The following SYNE2 variants were observed in gnomAD, a reference collection of about 807,000 sequenced individuals.
SYNE2 encodes nesprin-2.
Under a neutral mutation model 856.3 loss-of-function variants are expected in SYNE2, and 431 were observed. That is an observed-to-expected ratio of 0.50 (90% CI 0.47 to 0.55). SYNE2 has a LOEUF of 0.55. SYNE2 is among the 20% of genes least tolerant of loss of function. SYNE2 has a pLI of 0.00. For synonymous variants in SYNE2, 2,923 were observed against 2,872.3 expected, an observed-to-expected ratio of 1.02 and a Z score of -0.56; for missense variants, 8,129 against 8,023.2, an observed-to-expected ratio of 1.01 and a Z score of -0.50.
At chr14:64,217,580 CAG>C (rs975160275) in intron 108 of SYNE2, among the ~76,000 whole-genome samples, 11 of 152,176 alleles carry the variant, frequency 7.2e-5, no homozygotes, top group African/African-American at 1.9e-4. Context: ...AATAATAAGA[CAG>C]GGGAAAGACC....
intron 82 of SYNE2, among the ~76,000 whole-genome samples, chr14:64,142,545 CT>C (rs1230963584): frequency 6.6e-6 from 1 of 152,170 alleles, no homozygotes; most frequent in Non-Finnish European, 1.5e-5. Flanking sequence ...AAATCCACCC[CT>C]GACTCTCCCA....
At chr14:64,143,275 A>G (rs2098154725) in intron 82 of SYNE2, among the ~76,000 whole-genome samples, 1 of 152,160 alleles carries the variant, frequency 6.6e-6, no homozygotes, top group South Asian at 2.1e-4. Flanking sequence ...ACTTAAAGCC[A>G]CCCAAACTTT....
At chr14:63,902,407 C>CAAAAA (rs10533353) in intron 1 of SYNE2, among the ~76,000 whole-genome samples, 97 of 74,270 alleles carry the variant, frequency 1.3e-3, no homozygotes, top group African/African-American at 1.8e-3. Flanking sequence ...CGAGACTCCT[C>CAAAAA]AAAAAAAAAA....
chr14:64,021,246 G>T, intron 35 of SYNE2, 69 bp from the exon 36 acceptor site: 1 of 1,194,338 alleles, frequency 8.4e-7, no homozygotes, highest in Admixed American at 1.7e-5. Flanking sequence ...CCATTCTCTA[G>T]CAATGCAGTT....
At chr14:63,912,427 G>A (rs1361828275) in intron 2 of SYNE2, among the ~76,000 whole-genome samples, 2 of 152,074 alleles carry the variant, frequency 1.3e-5, no homozygotes, top group East Asian at 1.9e-4. Context: ...AAAGGCACTT[G>A]GCATTGTACA....
chr14:63,853,634 G>C (rs1323386667), intron 1 of SYNE2, among the ~76,000 whole-genome samples: 1 of 151,542 alleles, frequency 6.6e-6, no homozygotes, highest in East Asian at 1.9e-4. Context: ...CCGCGGCGCA[G>C]AGATTGCAGG....
chr14:63,870,147 C>G (rs528938329), intron 1 of SYNE2, among the ~76,000 whole-genome samples: 100 of 152,240 alleles, frequency 6.6e-4, no homozygotes, highest in Non-Finnish European at 1.2e-3. Context: ...AATATAACCA[C>G]AAATCATCTA....
chr14:64,002,679 T>C, intron 29 of SYNE2, 41 bp from the exon 30 acceptor site: 1 of 1,603,904 alleles, frequency 6.2e-7, no homozygotes. Context: ...GCCTTTCTTT[T>C]TTCCACCTCA....
rs768101107 is a variant in SYNE2 at position 64,219,330 on chromosome 14, G to A, written c.19780G>A (p.Glu6594Lys). The change falls in exon 110 of 116, where the codon GAA (glutamate) becomes AAA (lysine). Residue 6594 changes from glutamate to lysine, a missense_variant. Around this residue, in one of 3 missense-constraint regions of SYNE2, gnomAD observed 5,410 missense variants for 5,284.8 expected, o/e 1.02. Transcript: ENST00000555002. ...SAITTWLKKT[E>K]AELEMLKMAK... ...CATCACTACTTGGCTGAAAAAAACT[G>A]AAGCAGAGCTGGAAATGTTAAAGAT... The A allele has an allele frequency of 8.7e-5, 140 of 1,614,034 alleles. No homozygotes were observed. The highest frequency in any genetic ancestry group is 1.1e-4 in the Non-Finnish European group (133 of 1,180,050).
chr14:63,837,802 C>T (rs970844713), intron 1 of SYNE2, among the ~76,000 whole-genome samples: 1 of 150,678 alleles, frequency 6.6e-6, no homozygotes, highest in African/African-American at 2.4e-5. Flanking sequence ...GCCTGTAGTC[C>T]CAGCTGCTTG....
chr14:63,907,699 A>G (rs979805304), intron 1 of SYNE2, among the ~76,000 whole-genome samples: 1 of 152,120 alleles, frequency 6.6e-6, no homozygotes, highest in South Asian at 2.1e-4. Flanking sequence ...CTTTGGGTTC[A>G]GGAGCCCCAG....
At chr14:63,987,285 A>G (rs1389419526) in intron 19 of SYNE2, among the ~76,000 whole-genome samples, 3 of 151,926 alleles carry the variant, frequency 2.0e-5, no homozygotes, top group African/African-American at 4.8e-5. Context: ...CATACAATCT[A>G]TGCTTTGAAA....
intron 61 of SYNE2, among the ~76,000 whole-genome samples, chr14:64,094,515 CT>C (rs113124134): frequency 4.8e-4 from 73 of 151,856 alleles, no homozygotes; most frequent in African/African-American, 1.7e-3. Flanking sequence ...TAGAGAGCTG[CT>C]TTTTTTTCTT....
At chr14:63,997,532 C>A in intron 25 of SYNE2, 141 bp downstream of exon 25, 2 of 764,380 alleles carry the variant, frequency 2.6e-6, no homozygotes, top group Non-Finnish European at 2.2e-6. Flanking sequence ...TTACACAATG[C>A]AAAAGACTGA....
chr14:63,967,898 C>G lies in SYNE2; in HGVS notation c.1128+52C>G, dbSNP rs570522489. 3.5e-5 allele frequency: 55 copies of G among 1,593,998 alleles called. No homozygotes were observed. In the East Asian group the frequency reaches 1.1e-3, roughly 33 times the overall value. On this transcript the variant is annotated intron_variant, in intron 11 of 115. Coordinates refer to ENST00000555002, the MANE Select transcript of SYNE2 (RefSeq NM_182914.3). The stretch of plus-strand genomic sequence containing the variant: ...TATTTTCAGGCCAAAAGCAGTGGCT[C>G]ACACCTGTAATCCCAGCACTTTGGG...
chr14:63,945,306 C>T (rs2096009063), intron 6 of SYNE2, among the ~76,000 whole-genome samples: 1 of 152,052 alleles, frequency 6.6e-6, no homozygotes, highest in Non-Finnish European at 1.5e-5. Context: ...GGTCCTTCTC[C>T]CAATCACTGC....
At chr14:64,058,401 TTC>T in intron 49 of SYNE2, among the ~76,000 whole-genome samples, 1 of 152,172 alleles carries the variant, frequency 6.6e-6, no homozygotes, top group East Asian at 1.9e-4. Flanking sequence ...GTTTGGGAAG[TTC>T]TCTGTTATGA....
intron 63 of SYNE2, 29 bp from the exon 64 acceptor site, chr14:64,101,903 C>G: frequency 5.1e-6 from 8 of 1,561,614 alleles, no homozygotes; most frequent in Non-Finnish European, 6.2e-6. Context: ...AAGCTCTTCC[C>G]TTTGCTAACC....
At chr14:64,188,009 C>T (rs541322702) in intron 97 of SYNE2, among the ~76,000 whole-genome samples, 1 of 152,188 alleles carries the variant, frequency 6.6e-6, no homozygotes, top group South Asian at 2.1e-4. Context: ...CAGTGCATAA[C>T]GGGCAAGTGG....
Sources: allele counts gnomAD v4.1 joint callset (sites outside exome capture counted in the v4.1 genomes callset), GRCh38; gene constraint gnomAD v4.1.1; regional missense constraint gnomAD v4.1.1; transcripts MANE v1.5; gene names NCBI Gene and HGNC (gene_info 2026-07-23, HGNC 2026-07-21).